Variants in MTR observed in about 807,000 individuals in gnomAD.
The protein encoded by MTR is 5-methyltetrahydrofolate-homocysteine methyltransferase.
A neutral mutation model predicts 154.8 loss-of-function variants in MTR; 84 were observed. That is an observed-to-expected ratio of 0.54 (90% CI 0.45 to 0.65). The LOEUF (loss-of-function observed/expected upper bound fraction) is 0.65, where lower values mean the gene tolerates loss of function less well. Ranked by LOEUF, MTR falls within the 30% of genes least tolerant of loss-of-function variation. The pLI, the probability that MTR is intolerant of heterozygous loss-of-function variation, is 0.00. For missense variants in MTR, 1,275 were observed against 1,570.2 expected (o/e 0.81, Z 3.18); for synonymous variants, 554 against 553.9 (o/e 1.00, Z 0.00).
chr1:236,897,425 C>G, intron 32 of MTR, 133 bp from the exon 33 acceptor site: 1 of 892,238 alleles, frequency 1.1e-6, no homozygotes, highest in South Asian at 1.4e-5. Flanking sequence ...ATATCTATCT[C>G]CATTTAACTC....
At chr1:236,877,079 C>A (rs369740943) in intron 24 of MTR, among the ~76,000 whole-genome samples, 2 of 152,322 alleles carry the variant, frequency 1.3e-5, no homozygotes, top group South Asian at 2.1e-4. Context: ...TTCCCGGGAA[C>A]CATTCCCTTC....
At chr1:236,854,793 C>T (rs1664107908) in intron 18 of MTR, among the ~76,000 whole-genome samples, 1 of 152,204 alleles carries the variant, frequency 6.6e-6, no homozygotes, top group Non-Finnish European at 1.5e-5. Flanking sequence ...TTGGTCTGTA[C>T]TCACTTTTAG....
At chr1:236,835,128 A>T (rs1456678466) in intron 13 of MTR, among the ~76,000 whole-genome samples, 1 of 151,944 alleles carries the variant, frequency 6.6e-6, no homozygotes, top group Non-Finnish European at 1.5e-5. Context: ...GTCTTAAACA[A>T]TGTGGAAGGG....
chr1:236,818,464 C>T (rs927060519), intron 8 of MTR, among the ~76,000 whole-genome samples: 5 of 152,154 alleles, frequency 3.3e-5, no homozygotes, highest in Admixed American at 3.3e-4. Context: ...GAGGTTTTAT[C>T]GAGGTCTAAA....
At position 236,796,240 on chromosome 1, in the gene MTR, A is replaced by G. The variant is rs1187762187; in HGVS notation, c.34+503A>G. Among the ~76,000 whole-genome samples, 4 of 152,362 alleles carry G rather than the reference A, an allele frequency of 2.6e-5. No homozygotes were observed. The East Asian group carries it at 5.8e-4, about 22-fold the overall frequency. On this transcript the variant is annotated intron_variant, in intron 1 of 32. Transcript: ENST00000366577. The stretch of plus-strand genomic sequence containing the variant: ...ACGCTGCTGCAAAACTGCAATATGC[A>G]TAGACTCACTATGTTAAAATAGATG...
chr1:236,843,104 AGT>A (rs1317527988), intron 15 of MTR, among the ~76,000 whole-genome samples: 2 of 150,564 alleles, frequency 1.3e-5, no homozygotes, highest in East Asian at 3.9e-4. Context: ...AAAAAAAAAA[AGT>A]GTGTGTGTAT....
At chr1:236,825,772 T>C (rs1005351389) in intron 10 of MTR, among the ~76,000 whole-genome samples, 3 of 152,178 alleles carry the variant, frequency 2.0e-5, no homozygotes, top group Non-Finnish European at 4.4e-5. Flanking sequence ...CCTCCATGAT[T>C]CTCGCTGTCT....
chr1:236,816,410 G>T, intron 7 of MTR, 39 bp from the exon 8 acceptor site: 1 of 1,534,124 alleles, frequency 6.5e-7, no homozygotes, highest in Non-Finnish European at 9.0e-7. Flanking sequence ...TTCTTAACTT[G>T]AGTCTGTATT....
chr1:236,816,195 GT>G (rs1396223491), intron 7 of MTR, among the ~76,000 whole-genome samples: 1 of 152,130 alleles, frequency 6.6e-6, no homozygotes, highest in Non-Finnish European at 1.5e-5. Context: ...GAATTCCAAA[GT>G]TGTTTTGGTC....
chr1:236,888,139 T>C (rs546218512), intron 27 of MTR, among the ~76,000 whole-genome samples: 23 of 152,232 alleles, frequency 1.5e-4, no homozygotes, highest in Non-Finnish European at 2.5e-4. Flanking sequence ...AAAAATACTC[T>C]AGAAGCTTCT....
intron 1 of MTR, among the ~76,000 whole-genome samples, 171 bp from the exon 2 acceptor site, chr1:236,803,257 C>T (rs772806338): frequency 2.6e-5 from 4 of 152,152 alleles, no homozygotes; most frequent in African/African-American, 2.4e-5. Context: ...GGCATTGTCA[C>T]GACTTAATGA....
intron 2 of MTR, among the ~76,000 whole-genome samples, chr1:236,805,146 T>C (rs900738643): frequency 2.6e-5 from 4 of 152,082 alleles, no homozygotes; most frequent in Admixed American, 2.0e-4. Flanking sequence ...TTAAGAGGGG[T>C]TGGGTTTATT....
chr1:236,891,076 T>C, intron 28 of MTR, 57 bp from the exon 29 acceptor site: 6 of 1,576,484 alleles, frequency 3.8e-6, no homozygotes, highest in Non-Finnish European at 5.2e-6. Context: ...AAAGAAGCAT[T>C]GTTTGATGGT....
intron 7 of MTR, 140 bp from the exon 8 acceptor site, chr1:236,816,309 G>A: frequency 1.4e-6 from 1 of 740,472 alleles, no homozygotes; most frequent in Non-Finnish European, 2.4e-6. Context: ...TATAGAAAGT[G>A]CCCCCTTTGA....
At chr1:236,889,755 C>T (rs1220305594) in intron 28 of MTR, among the ~76,000 whole-genome samples, 1 of 152,156 alleles carries the variant, frequency 6.6e-6, no homozygotes, top group South Asian at 2.1e-4. Context: ...CTGTTTTTGA[C>T]GATTCAGTGG....
chr1:236,894,912 G>A (rs12562226), intron 30 of MTR: 11,367 of 362,384 alleles, frequency 0.031, 311 homozygotes, highest in South Asian at 0.082. Flanking sequence ...AGAGCCCCTC[G>A]TTGTAATGCT....
intron 19 of MTR, 37 bp from the exon 20 acceptor site, chr1:236,861,088 T>G: frequency 1.3e-6 from 2 of 1,504,514 alleles, no homozygotes; most frequent in Non-Finnish European, 1.8e-6. Context: ...TTTTTCTTTC[T>G]TTCTTTTTCT....
At chr1:236,816,047 G>T (rs1469443715) in intron 7 of MTR, among the ~76,000 whole-genome samples, 1 of 152,208 alleles carries the variant, frequency 6.6e-6, no homozygotes, top group Non-Finnish European at 1.5e-5. Flanking sequence ...AGACCTCTCT[G>T]CGAGTCCTAA....
intron 13 of MTR, among the ~76,000 whole-genome samples, chr1:236,834,476 G>A (rs1466834101): frequency 6.6e-6 from 1 of 152,124 alleles, no homozygotes; most frequent in Admixed American, 6.6e-5. Context: ...CACCACACCC[G>A]GTCCAGATTT....
Sources: allele counts gnomAD v4.1 joint callset (sites outside exome capture counted in the v4.1 genomes callset), GRCh38; gene constraint gnomAD v4.1.1; transcripts MANE v1.5; gene names NCBI Gene and HGNC (gene_info 2026-07-23, HGNC 2026-07-21).